The following CA10 variants were observed in gnomAD, a reference collection of about 807,000 sequenced individuals.
CA10 encodes the protein carbonic anhydrase 10 (inactive), also known as carbonic anhydrase-related protein 10.
Under a neutral mutation model 44.2 loss-of-function variants are expected in CA10, and 14 were observed. The ratio of observed to expected loss-of-function variants is 0.32; its 90% CI spans 0.21 to 0.50. The LOEUF (loss-of-function observed/expected upper bound fraction) is 0.50, where lower values mean the gene tolerates loss of function less well. Ranked by LOEUF, CA10 falls within the 20% of genes least tolerant of loss-of-function variation. The probability of loss-of-function intolerance (pLI) is 0.99; values close to 1 mark genes in which losing one functional copy is unlikely to be tolerated. For synonymous variants in CA10, 159 were observed against 141.6 expected, an observed-to-expected ratio of 1.12 and a Z score of -0.87; for missense variants, 350 against 409.7, an observed-to-expected ratio of 0.85 and a Z score of 1.26.
At chr17:51,927,087 A>G (rs1247377186) in intron 3 of CA10, among the ~76,000 whole-genome samples, 1 of 152,172 alleles carries the variant, frequency 6.6e-6, no homozygotes, top group Non-Finnish European at 1.5e-5. Flanking sequence ...TATACTTAAC[A>G]TATGATAAGG....
intron 4 of CA10, among the ~76,000 whole-genome samples, chr17:51,687,020 A>G (rs1915032355): frequency 6.6e-6 from 1 of 152,146 alleles, no homozygotes; most frequent in Non-Finnish European, 1.5e-5. Flanking sequence ...AGTAATCTTA[A>G]AACCAGGTCA....
chr17:51,868,502 CT>C (rs1369219742), intron 3 of CA10, among the ~76,000 whole-genome samples: 1 of 152,158 alleles, frequency 6.6e-6, no homozygotes, highest in African/African-American at 2.4e-5. Context: ...CAGAACTGAC[CT>C]TATTTTACAC....
chr17:51,901,936 A>T (rs950366922), intron 3 of CA10, among the ~76,000 whole-genome samples: 1 of 152,156 alleles, frequency 6.6e-6, no homozygotes, highest in African/African-American at 2.4e-5. Context: ...AAAAAGCAAG[A>T]CAGAAAATTT....
At chr17:51,882,574 G>C (rs1980424338) in intron 3 of CA10, among the ~76,000 whole-genome samples, 2 of 152,148 alleles carry the variant, frequency 1.3e-5, no homozygotes, top group Admixed American at 1.3e-4. Flanking sequence ...AGTCTATGAT[G>C]GTAACACTTG....
At chr17:51,838,957 C>T (rs371594413) in intron 3 of CA10, among the ~76,000 whole-genome samples, 1 of 152,144 alleles carries the variant, frequency 6.6e-6, no homozygotes, top group Non-Finnish European at 1.5e-5. Flanking sequence ...CCTACAAAAT[C>T]GTGTGCTTAC....
At chr17:52,001,837 AT>A (rs1985436640) in intron 2 of CA10, among the ~76,000 whole-genome samples, 1 of 151,998 alleles carries the variant, frequency 6.6e-6, no homozygotes, top group Admixed American at 6.6e-5. Flanking sequence ...GGGAGACAGC[AT>A]TTATCTTCAT....
chr17:51,845,478 G>A (rs1246403410), intron 3 of CA10, among the ~76,000 whole-genome samples: 6 of 152,200 alleles, frequency 3.9e-5, no homozygotes, highest in Non-Finnish European at 8.8e-5. Flanking sequence ...GAACCCCAGT[G>A]AAGCTGCTTC....
At chr17:51,970,496 TC>T (rs1257332303) in intron 2 of CA10, among the ~76,000 whole-genome samples, 1 of 152,062 alleles carries the variant, frequency 6.6e-6, no homozygotes, top group Non-Finnish European at 1.5e-5. Flanking sequence ...TATATAGCTT[TC>T]AGAGAGGAAA....
chr17:51,672,944 A>G (rs1485565740), intron 4 of CA10, among the ~76,000 whole-genome samples: 1 of 152,172 alleles, frequency 6.6e-6, no homozygotes, highest in African/African-American at 2.4e-5. Flanking sequence ...GACTTGGAAG[A>G]ACTCCACCAA....
chr17:51,866,202 C>G (rs150179410), intron 3 of CA10, among the ~76,000 whole-genome samples: 1 of 152,306 alleles, frequency 6.6e-6, no homozygotes, highest in East Asian at 1.9e-4. Context: ...ACTACTGCTC[C>G]CATGTCTGAG....
intron 2 of CA10, among the ~76,000 whole-genome samples, chr17:52,017,303 A>G (rs912669487): frequency 2.6e-5 from 4 of 152,130 alleles, no homozygotes; most frequent in African/African-American, 9.6e-5. Context: ...AGATGAAGGA[A>G]AGTTTGGAAA....
intron 3 of CA10, among the ~76,000 whole-genome samples, chr17:51,895,796 T>C (rs1205508039): frequency 6.6e-6 from 1 of 152,146 alleles, no homozygotes; most frequent in Non-Finnish European, 1.5e-5. Context: ...TGCTTTATTT[T>C]TATTTGGACA....
intron 3 of CA10, among the ~76,000 whole-genome samples, chr17:51,761,020 T>A (rs988373096): frequency 6.6e-6 from 1 of 152,196 alleles, no homozygotes; most frequent in Admixed American, 6.5e-5. Context: ...ATGTGGCTAG[T>A]GGCTGCCATA....
At chr17:51,727,908 G>T (rs892350765) in intron 4 of CA10, among the ~76,000 whole-genome samples, 1 of 151,686 alleles carries the variant, frequency 6.6e-6, no homozygotes, top group South Asian at 2.1e-4. Flanking sequence ...TTTTTTTAAG[G>T]ACGGGGTCTC....
intron 1 of CA10, among the ~76,000 whole-genome samples, chr17:52,113,631 ATAT>A (rs759444931): frequency 1.3e-5 from 2 of 152,238 alleles, no homozygotes; most frequent in East Asian, 1.9e-4. Context: ...CAGATAGTTA[ATAT>A]TATAGAAATT....
chr17:51,647,717 C>CT (rs943019281), intron 6 of CA10, among the ~76,000 whole-genome samples: 1 of 151,822 alleles, frequency 6.6e-6, no homozygotes, highest in Non-Finnish European at 1.5e-5. Flanking sequence ...AATTTTCATG[C>CT]TTTTTTCATC....
chr17:51,738,782 T>C (rs896794496), intron 4 of CA10, among the ~76,000 whole-genome samples: 2 of 152,346 alleles, frequency 1.3e-5, no homozygotes, highest in Admixed American at 1.3e-4. Flanking sequence ...ATTTGCTCTA[T>C]GAGGTGACTA....
intron 3 of CA10, among the ~76,000 whole-genome samples, chr17:51,753,266 C>T (rs1904954964): frequency 6.6e-6 from 1 of 152,206 alleles, no homozygotes; most frequent in Admixed American, 6.5e-5. Flanking sequence ...ATCTTGATAA[C>T]TTGAGACCAT....
At chr17:51,887,988 G>A (rs1290215018) in intron 3 of CA10, among the ~76,000 whole-genome samples, 1 of 152,094 alleles carries the variant, frequency 6.6e-6, no homozygotes, top group Non-Finnish European at 1.5e-5. Context: ...TTGCGCCACT[G>A]CACTCCAGTC....
Sources: allele counts gnomAD v4.1 joint callset (sites outside exome capture counted in the v4.1 genomes callset), GRCh38; gene constraint gnomAD v4.1.1; transcripts MANE v1.5; gene names NCBI Gene and HGNC (gene_info 2026-07-23, HGNC 2026-07-21).